Variants in PIK3C2G observed in about 807,000 individuals in gnomAD.
PIK3C2G encodes the protein phosphatidylinositol 3-kinase C2 domain-containing subunit gamma.
PIK3C2G carries 168 observed loss-of-function variants against 181.1 expected under a neutral mutation model. The ratio of observed to expected loss-of-function variants is 0.93; its 90% CI spans 0.82 to 1.05. The LOEUF is 1.05. Among genes scored for constraint, PIK3C2G ranks in the 50% least tolerant of loss-of-function variants. The pLI, the probability that PIK3C2G is intolerant of heterozygous loss-of-function variation, is 0.00. For synonymous variants in PIK3C2G, 573 were observed against 592.2 expected, an observed-to-expected ratio of 0.97 and a Z score of 0.47; for missense variants, 1,869 against 1,732.8, an observed-to-expected ratio of 1.08 and a Z score of -1.40.
intron 30 of PIK3C2G, among the ~76,000 whole-genome samples, chr12:18,604,515 G>T (rs12812415): frequency 6.6e-6 from 1 of 152,156 alleles, no homozygotes; most frequent in Non-Finnish European, 1.5e-5. Context: ...GAGAAACAAT[G>T]AATTTAAACT....
chr12:18,627,740 A>C (rs1192759427), intron 31 of PIK3C2G, among the ~76,000 whole-genome samples: 1 of 152,178 alleles, frequency 6.6e-6, no homozygotes, highest in Non-Finnish European at 1.5e-5. Flanking sequence ...GAATTTAAAA[A>C]CTGCAATGTG....
At chr12:18,248,558 G>A (rs892476093) in intron 1 of PIK3C2G, among the ~76,000 whole-genome samples, 1 of 151,974 alleles carries the variant, frequency 6.6e-6, no homozygotes, top group Non-Finnish European at 1.5e-5. Flanking sequence ...GTGACAGAGC[G>A]AGACTCCATC....
Position 18,282,139 on chromosome 12 carries a change from G to A in PIK3C2G, c.58G>A (p.Glu20Lys). 2 of 1,609,188 alleles carry A rather than the reference G, an allele frequency of 1.2e-6. No homozygotes were observed. Among genetic ancestry groups the A allele is most frequent in the South Asian group, 2.2e-5 (2 of 90,530 alleles). ...TAATGAATCACACGAAAAGCAGTAT[G>A]AACACCAAGAATTTCTCTTTGTAAA... ...NPNESHEKQY[E>K]HQEFLFVNQP... The change falls in exon 2 of 33, where the codon GAA becomes AAA. Residue 20 changes from glutamate (E) to lysine (K), a missense_variant. Glu to Lys is a moderately conservative substitution (Grantham distance 56). Coordinates refer to ENST00000538779, the MANE Select transcript of PIK3C2G (RefSeq NM_001288772.2).
the PIK3C2G span, among the ~76,000 whole-genome samples, chr12:18,701,996 A>G: frequency 1.3e-5 from 2 of 152,158 alleles, no homozygotes; most frequent in Non-Finnish European, 2.9e-5. Flanking sequence ...GCCTGTTATG[A>G]TTGAGACTTA....
chr12:18,725,961 T>G, the PIK3C2G span, among the ~76,000 whole-genome samples: 1 of 152,016 alleles, frequency 6.6e-6, no homozygotes, highest in Non-Finnish European at 1.5e-5. Flanking sequence ...TTACAGGCCT[T>G]ATTAGATTGG....
At chr12:18,308,868 T>C (rs1950527791) in intron 5 of PIK3C2G, among the ~76,000 whole-genome samples, 1 of 151,638 alleles carries the variant, frequency 6.6e-6, no homozygotes, top group South Asian at 2.1e-4. Context: ...CAAAAATAAT[T>C]TGTGAGGAAT....
intron 18 of PIK3C2G, among the ~76,000 whole-genome samples, chr12:18,477,993 A>G (rs1939172738): frequency 6.6e-6 from 1 of 152,206 alleles, no homozygotes; most frequent in Non-Finnish European, 1.5e-5. Flanking sequence ...TTAGTTTGCT[A>G]TTCTTATGAA....
At chr12:18,424,076 A>T (rs1384228568) in intron 18 of PIK3C2G, 37 bp downstream of exon 18, 2 of 1,218,720 alleles carry the variant, frequency 1.6e-6, no homozygotes, top group Non-Finnish European at 2.4e-6. Context: ...TGCCTTTTTA[A>T]TTGCCACCTT....
At chr12:18,300,674 T>C (rs1289753350) in intron 5 of PIK3C2G, among the ~76,000 whole-genome samples, 1 of 152,116 alleles carries the variant, frequency 6.6e-6, no homozygotes, top group Non-Finnish European at 1.5e-5. Flanking sequence ...TTTCTAGTTA[T>C]GTATATCTTT....
Position 18,346,719 on chromosome 12 carries a change from C to A in PIK3C2G, c.1508C>A (p.Ala503Glu). 1 of 1,612,722 alleles carries A rather than the reference C, an allele frequency of 6.2e-7. No individual in the cohort carries two copies. Among genetic ancestry groups the A allele is most frequent in the Non-Finnish European group, 8.5e-7 (1 of 1,178,822 alleles). The change falls in exon 11 of 33, where the codon GCA becomes GAA. Residue 503 changes from alanine (A) to glutamate (E), a missense_variant. By Grantham distance (107) the Ala-to-Glu change is moderately radical. Coordinates refer to ENST00000538779, the MANE Select transcript of PIK3C2G (RefSeq NM_001288772.2). ...LINVYCNSFY[A>E]DFQPVNVPRC... ...AATGTCTACTGTAACAGCTTTTATG[C>A]AGATTTTCAGCCTGTAAATGTACCT...
chr12:18,383,780 T>C (rs1038303662), intron 14 of PIK3C2G, among the ~76,000 whole-genome samples: 13 of 151,542 alleles, frequency 8.6e-5, no homozygotes, highest in African/African-American at 2.4e-4. Context: ...AGATCGGATA[T>C]GTGAACACTT....
the PIK3C2G span, among the ~76,000 whole-genome samples, chr12:18,655,817 T>C: frequency 3.6e-5 from 2 of 54,936 alleles, no homozygotes; most frequent in South Asian, 1.0e-3. Context: ...ACTTGACTAG[T>C]ACTCCTGAAA....
chr12:18,700,005 A>C, the PIK3C2G span: 2 of 1,496,758 alleles, frequency 1.3e-6, no homozygotes, highest in Non-Finnish European at 1.8e-6. Context: ...GGGAAAAAAA[A>C]TTTTTTCTAG....
At chr12:18,621,576 G>A (rs548749359) in intron 31 of PIK3C2G, among the ~76,000 whole-genome samples, 1 of 151,398 alleles carries the variant, frequency 6.6e-6, no homozygotes, top group South Asian at 2.1e-4. Flanking sequence ...TGTATAACAT[G>A]TTTTATATAT....
At chr12:18,505,170 G>A in intron 23 of PIK3C2G, 122 bp from the exon 24 acceptor site, 1 of 755,646 alleles carries the variant, frequency 1.3e-6, no homozygotes, top group Non-Finnish European at 2.1e-6. Context: ...CCACTGAGAT[G>A]TAGAAATTTT....
At chr12:18,546,264 G>C (rs924258871) in intron 25 of PIK3C2G, 59 bp from the exon 26 acceptor site, 2 of 1,015,062 alleles carry the variant, frequency 2.0e-6, no homozygotes, top group East Asian at 2.6e-5. Flanking sequence ...AAGTAAGCTT[G>C]ATTGTATCTG....
At chr12:18,260,858 C>A (rs987253075), upstream of PIK3C2G, among the ~76,000 whole-genome samples, 1 of 152,016 alleles carries the variant, frequency 6.6e-6, no homozygotes, top group African/African-American at 2.4e-5. Context: ...AGAGTCTCCA[C>A]ACATTGTTCA....
At chr12:18,490,740 C>T (rs1940486790) in intron 19 of PIK3C2G, among the ~76,000 whole-genome samples, 1 of 152,096 alleles carries the variant, frequency 6.6e-6, no homozygotes, top group African/African-American at 2.4e-5. Context: ...GATAGTACTC[C>T]ATCATGCATA....
chr12:18,282,777 C>T lies in PIK3C2G; in HGVS notation c.678+18C>T. 1 of 1,436,662 alleles carries T rather than the reference C, an allele frequency of 7.0e-7. No homozygotes were observed. Among genetic ancestry groups the T allele is most frequent in the Non-Finnish European group, 9.5e-7 (1 of 1,057,904 alleles). The allele number at this position is 1,436,662 out of a possible 1,614,324, so 89.0% of individuals were successfully genotyped here. A position where few individuals can be genotyped will look rare whatever the true frequency, so the allele number is the denominator to read the frequency against. On this transcript the variant is annotated intron_variant, in intron 2 of 32. Transcript: ENST00000538779. ...ATATAGAGGTAAGTATAATACATGTCAATGTAAAAATATGAATCTGAAAGA... is the reference window on the plus strand; with the variant it reads ...ATATAGAGGTAAGTATAATACATGTTAATGTAAAAATATGAATCTGAAAGA...
Sources: allele counts gnomAD v4.1 joint callset (sites outside exome capture counted in the v4.1 genomes callset), GRCh38; gene constraint gnomAD v4.1.1; transcripts MANE v1.5; gene names NCBI Gene and HGNC (gene_info 2026-07-23, HGNC 2026-07-21).